CGN: variants seen among roughly 807,000 people sequenced by gnomAD.
CGN encodes cingulin.
In CGN, 121 loss-of-function variants were observed where a neutral mutation model predicts 157.1. The observed-to-expected ratio is 0.77, with a 90% CI of 0.66 to 0.90. The LOEUF (loss-of-function observed/expected upper bound fraction) is 0.90, where lower values mean the gene tolerates loss of function less well. CGN is among the 40% of genes least tolerant of loss of function. CGN has a pLI of 0.00. For missense variants in CGN, 1,424 were observed against 1,520.9 expected (o/e 0.94, Z 1.06); for synonymous variants, 535 against 607.5 (o/e 0.88, Z 1.76).
intron 10 of CGN, among the ~76,000 whole-genome samples, chr1:151,527,544 A>G (rs1443799161): frequency 6.6e-6 from 1 of 152,202 alleles, no homozygotes; most frequent in Admixed American, 6.5e-5. Flanking sequence ...GAGAAATATC[A>G]TCACATGGAC....
intron 14 of CGN, 40 bp downstream of exon 14, chr1:151,532,612 CTT>C (rs34388063): frequency 0.077 from 41,047 of 531,490 alleles, no homozygotes; most frequent in East Asian, 0.14. Context: ...GTCCTTGCCT[CTT>C]TTTTTTTTTT....
In CGN at chr1:151,518,551, G is replaced by A. The variant is rs141786871; in HGVS notation, c.32G>A (p.Arg11Gln). 302 of 1,609,866 alleles carry A rather than the reference G, an allele frequency of 1.9e-4. No individual in the cohort carries two copies. The African/African-American group carries it at 2.0e-3, about 11-fold the overall frequency. The change falls in exon 2 of 21, where the codon CGG becomes CAG. Residue 11 changes from arginine (R) to glutamine (Q), a missense_variant. Physicochemically the swap from Arg to Gln is conservative, Grantham distance 43. This residue lies in a region of CGN where 1,187 missense variants were observed against 1,217.6 expected (regional missense o/e 0.97). Coordinates refer to ENST00000271636, the MANE Select transcript of CGN (RefSeq NM_020770.3). ...CAGGCACCCAACATGGCTGAGCCCC[G>A]GGGCCCCGTAGACCATGGAGTCCAG... MEQAPNMAEPRGPVDHGVQIR... is the reference protein window; with the variant it reads MEQAPNMAEPQGPVDHGVQIR...
chr1:151,536,155 A>T, intron 18 of CGN, 82 bp from the exon 19 acceptor site: 1 of 879,602 alleles, frequency 1.1e-6, no homozygotes, highest in Non-Finnish European at 1.9e-6. Context: ...GGCTGAGAGG[A>T]GTCCTTGGGG....
rs75273289 is a variant in CGN at position 151,534,601 on chromosome 1, G to T, written c.2905-441G>T. On this transcript the variant is annotated intron_variant, in intron 15 of 20. Transcript: ENST00000271636. Reference sequence around the variant, plus strand: ...GCACAGAGAGATGAACTTGTCCATGGTCTACTGCCAGGAAGTGGTAAATCT... The same window carrying T: ...GCACAGAGAGATGAACTTGTCCATGTTCTACTGCCAGGAAGTGGTAAATCT... 1,474 of 239,274 alleles carry T rather than the reference G, an allele frequency of 6.2e-3. 20 individuals carry two copies. The highest frequency in any genetic ancestry group is 0.033 in the African/African-American group (1,402 of 42,644). 14.8% of individuals were successfully genotyped at this position (239,274 alleles called of 1,614,324 possible).
At position 151,537,329 on chromosome 1, in the gene CGN, C is replaced by T. The variant is rs752333822; in HGVS notation, c.3595C>T (p.Gln1199Ter). ...ATCACTGCTTACGGAGAGCAACCTA[C>T]AGACCAGCTCCTGTTAGCTCGTGGT... ...IASLLTESNL[Q>*]TSSC Residue 1199 changes from glutamine (Q) to a stop codon, truncating the protein, a stop_gained, in exon 21 of 21, where the codon CAG (glutamine) becomes TAG (stop). Coordinates refer to ENST00000271636, the MANE Select transcript of CGN (RefSeq NM_020770.3). LOFTEE classifies it high-confidence loss of function. 1 of 1,613,272 alleles carries T rather than the reference C, an allele frequency of 6.2e-7. No homozygotes were observed. Among genetic ancestry groups the T allele is most frequent in the South Asian group, 1.1e-5 (1 of 90,900 alleles).
At chr1:151,520,140 T>C (rs1294555450) in intron 2 of CGN, 26 bp from the exon 3 acceptor site, 54 of 1,541,570 alleles carry the variant, frequency 3.5e-5, no homozygotes, top group Non-Finnish European at 4.6e-5. Context: ...CTTTCTTTTT[T>C]TTTTCTTTTT....
intron 16 of CGN, 135 bp downstream of exon 16, chr1:151,535,266 T>A (rs1242936890): frequency 2.8e-6 from 2 of 715,218 alleles, no homozygotes; most frequent in Non-Finnish European, 2.4e-6. Flanking sequence ...CTTCAGGGTT[T>A]TGTCTGCTTT....
In CGN at chr1:151,537,251, G is replaced by C. The variant is rs1432168669; in HGVS notation, c.3517G>C (p.Gly1173Arg). The change falls in exon 21 of 21, where the codon GGG (glycine) becomes CGG (arginine). Residue 1173 changes from glycine to arginine, a missense_variant. Physicochemically the swap from Gly to Arg is moderately radical, Grantham distance 125 (BLOSUM62 -2). This residue lies in a region of CGN where 199 missense variants were observed against 272.2 expected (regional missense o/e 0.73). Transcript: ENST00000271636. ...TGCTGAGTCAGCTCTCAAAAACGAA[G>C]GGCTGAGCTCAGATGAGGAATTCGA... is the stretch of plus-strand genomic sequence containing the variant. Reference protein sequence around the residue: ...SAAESALKNEGLSSDEEFDSV... With the variant: ...SAAESALKNERLSSDEEFDSV... 6.2e-7 allele frequency: 1 copy of C among 1,614,032 alleles called. No individual in the cohort carries two copies. Among genetic ancestry groups the C allele is most frequent in the Non-Finnish European group, 8.5e-7 (1 of 1,179,964 alleles).
In CGN at chr1:151,527,954, T is replaced by A. The variant is rs866458923; in HGVS notation, c.1896+847T>A. ...CCACACTATATATATATATATATTT[T>A]TTTTTTTTTTTTTTTTTTTGAGACG... On this transcript the variant is annotated intron_variant, in intron 10 of 20. Coordinates refer to ENST00000271636, the MANE Select transcript of CGN (RefSeq NM_020770.3). The A allele has an allele frequency of 4.3e-3, 549 of 126,830 alleles. 2 individuals carry two copies. Among genetic ancestry groups the A allele is most frequent in the African/African-American group, 0.011 (282 of 25,218 alleles). The allele number at this position is 126,830 out of a possible 1,614,324, so 7.9% of individuals were successfully genotyped here. A position where few individuals can be genotyped will look rare whatever the true frequency, so the allele number is the denominator to read the frequency against.
At position 151,527,120 on chromosome 1, in the gene CGN, TG is replaced by T. The variant is rs750340557; in HGVS notation, c.1896+19del. 5 of 1,613,804 alleles carry T rather than the reference TG, an allele frequency of 3.1e-6. No homozygotes were observed. The highest frequency in any genetic ancestry group is 1.7e-4 in the Middle Eastern group (1 of 5,936). ...GGTGCTCAAGAAGGTATTTGGGAAT[TG>T]GGGGGCAGAATGGTAGGTAGGGGTG... On this transcript the variant is annotated intron_variant, in intron 10 of 20. Transcript: ENST00000271636.
Position 151,530,586 on chromosome 1 carries a change from A to C in CGN, c.2411A>C (p.Glu804Ala), listed in dbSNP as rs773385045. The C allele has an allele frequency of 6.2e-7, 1 of 1,611,324 alleles. No homozygotes were observed. Among genetic ancestry groups the C allele is most frequent in the East Asian group, 2.2e-5 (1 of 44,856 alleles). Residue 804 changes from glutamate (E) to alanine (A), a missense_variant, in exon 13 of 21, where the codon GAG becomes GCG. By Grantham distance (107) the Glu-to-Ala change is moderately radical (BLOSUM62 -1). This residue lies in a region of CGN where 1,187 missense variants were observed against 1,217.6 expected (regional missense o/e 0.97). Coordinates refer to ENST00000271636, the MANE Select transcript of CGN (RefSeq NM_020770.3). The part of the protein sequence containing the change: ...AKRALEARLE[E>A]AQRGLARLGQ... ...CGGGCACTGGAGGCACGCCTAGAGG[A>C]GGCTCAGCGGGGGCTGGCCCGCCTG...
At chr1:151,521,406 CTTG>C (rs1664540088) in intron 5 of CGN, among the ~76,000 whole-genome samples, 1 of 152,190 alleles carries the variant, frequency 6.6e-6, no homozygotes, top group African/African-American at 2.4e-5. Flanking sequence ...GGTTCTGTTA[CTTG>C]TTGGCTGTGT....
In CGN at chr1:151,520,618, A is replaced by C; in HGVS notation, c.1067A>C (p.Lys356Thr). The C allele has an allele frequency of 1.2e-6, 2 of 1,614,180 alleles. No individual in the cohort carries two copies. Among genetic ancestry groups the C allele is most frequent in the Non-Finnish European group, 1.7e-6 (2 of 1,180,028 alleles). The change falls in exon 5 of 21, where the codon AAG becomes ACG. Residue 356 changes from lysine (K) to threonine (T), a missense_variant. Transcript: ENST00000271636. ...PLVMVSSGST[K>T]AVAGQGELTR... ...CAGATGGTTTCTTCTGGTTCTACTA[A>C]GGCCGTGGCAGGGCAGGGTGAGCTT...
At chr1:151,530,142 C>G (rs1247362837) in intron 12 of CGN, 27 bp downstream of exon 12, 1 of 1,595,784 alleles carries the variant, frequency 6.3e-7, no homozygotes, top group Non-Finnish European at 8.6e-7. Flanking sequence ...TCCCAGCCCT[C>G]TCTGCTCAGC....
chr1:151,533,109 A>G (rs1401502830), intron 14 of CGN, among the ~76,000 whole-genome samples: 1 of 152,174 alleles, frequency 6.6e-6, no homozygotes, highest in East Asian at 1.9e-4. Context: ...TTCAGTCATC[A>G]TCTCTGGGGA....
rs1444595254 is a variant in CGN at position 151,534,211 on chromosome 1, C to T, written c.2904+75C>T. The T allele has an allele frequency of 1.5e-5, 20 of 1,363,070 alleles. 1 individual carries two copies. The highest frequency in any genetic ancestry group is 5.2e-5 in the Admixed American group (2 of 38,554). 84.4% of individuals were successfully genotyped at this position (1,363,070 alleles called of 1,614,324 possible). On this transcript the variant is annotated intron_variant, in intron 15 of 20. Coordinates refer to ENST00000271636, the MANE Select transcript of CGN (RefSeq NM_020770.3). ...CTCTTTCTGTACTAGCGGTCAAAAC[C>T]GACAGCCCACAGTTGATGAGTTTTG...
chr1:151,529,604 G>T (rs41315573), intron 11 of CGN, 45 bp downstream of exon 11: 18,004 of 1,547,634 alleles, frequency 0.012, 227 homozygotes, highest in Non-Finnish European at 0.011. Context: ...GGCTGAGGGT[G>T]TCTGGAGGGC....
intron 13 of CGN, among the ~76,000 whole-genome samples, chr1:151,532,116 C>T (rs905757488): frequency 5.9e-5 from 9 of 152,202 alleles, no homozygotes; most frequent in African/African-American, 2.2e-4. Context: ...GTAATTCTCA[C>T]AACACCTTGT....
intron 13 of CGN, among the ~76,000 whole-genome samples, chr1:151,531,862 A>G (rs1189066000): frequency 6.6e-6 from 1 of 152,224 alleles, no homozygotes; most frequent in Non-Finnish European, 1.5e-5. Context: ...TGAAAAATGC[A>G]CATCTTATCA....
Sources: gnomAD v4.1 joint callset for allele counts (sites outside exome capture counted in the v4.1 genomes callset) on GRCh38, gnomAD v4.1.1 for gene constraint, gnomAD v4.1.1 regional missense constraint, MANE v1.5 for transcripts, NCBI Gene and HGNC (gene_info 2026-07-23, HGNC 2026-07-21) for gene names.